SPATA13: variants seen among roughly 807,000 people sequenced by gnomAD.
The protein encoded by SPATA13 is spermatogenesis-associated protein 13.
SPATA13 carries 50 observed loss-of-function variants against 104.0 expected under a neutral mutation model. The ratio of observed to expected loss-of-function variants is 0.48; its 90% CI spans 0.38 to 0.61. The LOEUF (loss-of-function observed/expected upper bound fraction) is 0.61, where lower values mean the gene tolerates loss of function less well. Ranked by LOEUF, SPATA13 falls within the 20% of genes least tolerant of loss-of-function variation. The probability of loss-of-function intolerance (pLI) is 0.00; values close to 1 mark genes in which losing one functional copy is unlikely to be tolerated. For missense variants in SPATA13, 1,524 were observed against 1,690.6 expected, an observed-to-expected ratio of 0.90 and a Z score of 1.73; for synonymous variants, 606 against 667.5, an observed-to-expected ratio of 0.91 and a Z score of 1.42.
chr13:24,235,336 C>A (rs921683261), intron 2 of SPATA13, among the ~76,000 whole-genome samples: 31 of 152,312 alleles, frequency 2.0e-4, no homozygotes, highest in African/African-American at 7.5e-4. Flanking sequence ...GATTCGCTGT[C>A]CAGGCTGAGG....
In SPATA13 at chr13:24,227,190, C is replaced by A. The variant is rs372887074; in HGVS notation, c.1653+2608C>A. On this transcript the variant is annotated intron_variant, in intron 2 of 12. Coordinates refer to ENST00000382108, the MANE Select transcript of SPATA13 (RefSeq NM_001166271.3). Reference sequence around the variant, plus strand: ...TACCTGCGCCACTCGTAGTTTGTAACCTCCCCTCCCTAAAAAAGGATTTGT... The same window carrying A: ...TACCTGCGCCACTCGTAGTTTGTAAACTCCCCTCCCTAAAAAAGGATTTGT... Among the ~76,000 whole-genome samples the A allele has an allele frequency of 6.4e-4, 97 of 152,232 alleles. 1 individual carries two copies. The South Asian group carries it at 0.019, about 30-fold the overall frequency.
intron 1 of SPATA13, among the ~76,000 whole-genome samples, chr13:24,186,955 A>G (rs963878162): frequency 3.3e-5 from 5 of 152,234 alleles, no homozygotes; most frequent in African/African-American, 1.2e-4. Context: ...GAGCCTCATT[A>G]TGGGTCAGAT....
chr13:23,992,392 A>T (rs1366670213), intron 2 of SPATA13, among the ~76,000 whole-genome samples: 1 of 152,244 alleles, frequency 6.6e-6, no homozygotes, highest in African/African-American at 2.4e-5. Context: ...AAAGCCCAAC[A>T]TTTTGGTGGC....
intron 1 of SPATA13, among the ~76,000 whole-genome samples, chr13:24,214,851 T>A (rs1264991612): frequency 6.6e-6 from 1 of 152,238 alleles, no homozygotes; most frequent in African/African-American, 2.4e-5. Flanking sequence ...TATTAGTGAT[T>A]CTTTAGTTTT....
chr13:24,285,392 C>T (rs1432439423), intron 5 of SPATA13, among the ~76,000 whole-genome samples: 3 of 152,060 alleles, frequency 2.0e-5, no homozygotes, highest in South Asian at 4.1e-4. Context: ...ACATCTAGTA[C>T]GGCTGCCAGA....
rs534904031 is a variant in SPATA13 at position 24,222,813 on chromosome 13, C to A, written c.-111-6C>A. ...GCTAAACCGCCTGCTTTGTCTTTCA[C>A]TGCAGCCCGTGGCCACCCAGGAGCC... is the stretch of plus-strand genomic sequence containing the variant. On this transcript the variant is annotated splice_region_variant and splice_polypyrimidine_tract_variant and intron_variant, in intron 1 of 12. Transcript: ENST00000382108. The A allele has an allele frequency of 2.6e-6, 4 of 1,510,002 alleles. No individual in the cohort carries two copies. The highest frequency in any genetic ancestry group is 1.4e-5 in the African/African-American group (1 of 72,190). The allele number at this position is 1,510,002 out of a possible 1,614,324, so 93.5% of individuals were successfully genotyped here.
chr13:24,087,099 A>T (rs1041391790), intron 3 of SPATA13, among the ~76,000 whole-genome samples: 1 of 152,004 alleles, frequency 6.6e-6, no homozygotes, highest in Non-Finnish European at 1.5e-5. Context: ...CTTGGACCTC[A>T]CTTGTGCCCA....
intron 1 of SPATA13, among the ~76,000 whole-genome samples, chr13:23,982,567 A>T (rs1387114334): frequency 2.6e-5 from 4 of 151,560 alleles, no homozygotes; most frequent in African/African-American, 4.9e-5. Flanking sequence ...TTATTTGCTG[A>T]TTTTTTTTTC....
At chr13:24,114,358 T>TGTGTGCCTGCATGCGTGCACATGCGC (rs1880756903) in intron 3 of SPATA13, among the ~76,000 whole-genome samples, 1 of 148,710 alleles carries the variant, frequency 6.7e-6, no homozygotes, top group African/African-American at 2.4e-5. Context: ...AGTGTGCACG[T>TGTGTGCCTGCATGCGTGCACATGCGC]GTGTGCCTGC....
intron 3 of SPATA13, chr13:24,251,397 G>A (rs1353024914): frequency 6.8e-6 from 6 of 877,370 alleles, no homozygotes; most frequent in South Asian, 1.0e-4. Context: ...GCATCTGTGT[G>A]ACAACTCCAC....
upstream of SPATA13, among the ~76,000 whole-genome samples, chr13:24,156,970 A>AG (rs1385595560): frequency 6.6e-6 from 1 of 152,178 alleles, no homozygotes; most frequent in East Asian, 1.9e-4. Context: ...CTGCTAGATG[A>AG]AGATAAAAAT....
intron 2 of SPATA13, among the ~76,000 whole-genome samples, chr13:23,994,236 C>T (rs976281002): frequency 2.0e-5 from 3 of 152,264 alleles, no homozygotes; most frequent in South Asian, 4.1e-4. Flanking sequence ...TTTGACCAAA[C>T]CTATGGCAAA....
In SPATA13 at chr13:24,249,843, G is replaced by A; in HGVS notation, c.2019+1G>A. 6.3e-7 allele frequency: 1 copy of A among 1,592,970 alleles called. No individual in the cohort carries two copies. Among genetic ancestry groups the A allele is most frequent in the Non-Finnish European group, 8.6e-7 (1 of 1,168,928 alleles). On this transcript the variant is annotated splice_donor_variant, in intron 3 of 12. Transcript: ENST00000382108. LOFTEE classifies it high-confidence loss of function. ...GGAACTGGACAATCTTCTGACCCAA[G>A]TAAGATCTGGTGTGCACTTCCCCAA...
chr13:24,284,412 T>G (rs1875770395), intron 5 of SPATA13, 141 bp downstream of exon 5: 4 of 994,896 alleles, frequency 4.0e-6, no homozygotes, highest in African/African-American at 1.6e-5. Context: ...ACACTGTGAT[T>G]CACTTTGGAA....
At chr13:24,033,051 C>T (rs1877538724) in intron 3 of SPATA13, among the ~76,000 whole-genome samples, 1 of 152,060 alleles carries the variant, frequency 6.6e-6, no homozygotes, top group South Asian at 2.1e-4. Flanking sequence ...ATACATAAAG[C>T]ATTAATTTAA....
At chr13:24,201,757 T>C (rs1037401077) in intron 1 of SPATA13, among the ~76,000 whole-genome samples, 5 of 152,346 alleles carry the variant, frequency 3.3e-5, no homozygotes, top group Admixed American at 2.0e-4. Context: ...ACTCTTGATG[T>C]ACATTCTATG....
rs763990774 is a variant in SPATA13 at position 24,300,465 on chromosome 13, A to T, written c.3648A>T (p.Gly1216=). 5 of 1,614,124 alleles carry T rather than the reference A, an allele frequency of 3.1e-6. No homozygotes were observed. The highest frequency in any genetic ancestry group is 4.2e-6 in the Non-Finnish European group (5 of 1,179,956). The part of the protein sequence containing the change: ...AMLNAQKAGH[G]KSKGYNRCPV... ...TAAATGCTCAAAAGGCAGGACATGG[A>T]AAGTCAAAAGGTAAGTTATGGAGAA... Residue 1216 remains glycine, a synonymous_variant, in exon 12 of 13, where the codon GGA becomes GGT. Coordinates refer to ENST00000382108, the MANE Select transcript of SPATA13 (RefSeq NM_001166271.3).
Position 24,278,869 on chromosome 13 carries a change from TTTCTTTCC to T in SPATA13, c.2165-5262_2165-5255del, listed in dbSNP as rs777439588. 1.6e-3 allele frequency: 2,320 copies of T among 1,424,032 alleles called. 59 individuals are homozygous for T. The highest frequency in any genetic ancestry group is 4.6e-3 in the East Asian group (162 of 35,428). The allele number at this position is 1,424,032 out of a possible 1,614,324, so 88.2% of individuals were successfully genotyped here. A position where few individuals can be genotyped will look rare whatever the true frequency, so the allele number is the denominator to read the frequency against. On this transcript the variant is annotated intron_variant, in intron 4 of 12. Coordinates refer to ENST00000382108, the MANE Select transcript of SPATA13 (RefSeq NM_001166271.3). ...CCTTGCATGAAGTCCACATGCTGTT[TTTCTTTCC>T]TTCCTTCCTTCCTTCCTTCCTTCCT...
chr13:24,197,734 TG>T (rs1277465088), intron 1 of SPATA13, among the ~76,000 whole-genome samples: 1 of 152,170 alleles, frequency 6.6e-6, no homozygotes, highest in African/African-American at 2.4e-5. Flanking sequence ...GTGCCATCCT[TG>T]GCCTTATTTC....
Sources: gnomAD v4.1 joint callset for allele counts (sites outside exome capture counted in the v4.1 genomes callset) on GRCh38, gnomAD v4.1.1 for gene constraint, MANE v1.5 for transcripts, NCBI Gene and HGNC (gene_info 2026-07-23, HGNC 2026-07-21) for gene names.